Variants in ADAM17 observed in about 807,000 individuals in gnomAD.
The protein encoded by ADAM17 is disintegrin and metalloproteinase domain-containing protein 17.
In ADAM17, 39 loss-of-function variants were observed where a neutral mutation model predicts 96.7. The observed-to-expected ratio is 0.40, with a 90% confidence interval of 0.31 to 0.53. The LOEUF (loss-of-function observed/expected upper bound fraction) is 0.53, where lower values mean the gene tolerates loss of function less well. Ranked by LOEUF, ADAM17 falls within the 20% of genes least tolerant of loss-of-function variation. The pLI is 0.44. For synonymous variants in ADAM17, 344 were observed against 359.2 expected, an observed-to-expected ratio of 0.96 and a Z score of 0.48; for missense variants, 777 against 1,013.2, an observed-to-expected ratio of 0.77 and a Z score of 3.17.
intron 10 of ADAM17, among the ~76,000 whole-genome samples, chr2:9,514,680 T>C (rs1014297993): frequency 6.6e-6 from 1 of 150,770 alleles, no homozygotes; most frequent in African/African-American, 2.4e-5. Context: ...GAGACCATCC[T>C]GGCTAACACA....
intron 6 of ADAM17, among the ~76,000 whole-genome samples, 198 bp downstream of exon 6, chr2:9,525,913 T>C (rs1664505196): frequency 6.6e-6 from 1 of 152,182 alleles, no homozygotes; most frequent in South Asian, 2.1e-4. Flanking sequence ...CAGAAAATAT[T>C]AGTTCAAGGG....
Position 9,489,815 on chromosome 2 carries a change from A to AT in ADAM17, c.*361_*362insA, listed in dbSNP as rs1661959418. On this transcript the variant is annotated 3_prime_UTR_variant, in exon 19 of 19. Transcript: ENST00000310823. ...TATTCAGCGGTTCATTACAGTGTAT[A>AT]AAAAAAAACTGATCATTTCCCTAGT... 1 of 48,084 alleles carries AT rather than the reference A, an allele frequency of 2.1e-5. No individual in the cohort carries two copies. The highest frequency in any genetic ancestry group is 4.8e-4 in the South Asian group (1 of 2,098). The allele number at this position is 48,084 out of a possible 1,614,324, so 3.0% of individuals were successfully genotyped here.
At chr2:9,546,927 T>G (rs1429255792) in intron 1 of ADAM17, among the ~76,000 whole-genome samples, 2 of 152,212 alleles carry the variant, frequency 1.3e-5, no homozygotes, top group Non-Finnish European at 2.9e-5. Context: ...CAGGATGGTC[T>G]TGATCTCTTG....
intron 4 of ADAM17, among the ~76,000 whole-genome samples, chr2:9,528,371 T>C (rs1664611159): frequency 6.6e-6 from 1 of 152,232 alleles, no homozygotes; most frequent in African/African-American, 2.4e-5. Context: ...ATTTTCATTT[T>C]AGTTTCCTTA....
At chr2:9,552,793 A>T (rs1665624327) in intron 1 of ADAM17, among the ~76,000 whole-genome samples, 1 of 152,230 alleles carries the variant, frequency 6.6e-6, no homozygotes, top group Non-Finnish European at 1.5e-5. Flanking sequence ...AAATTATGCA[A>T]TTCATAACAG....
Position 9,488,707 on chromosome 2 carries a change from TATAAGA to T in ADAM17, c.*1464_*1469del, listed in dbSNP as rs1227043389. 1.3e-5 allele frequency: 2 copies of T among 157,356 alleles called. No homozygotes were observed. Among genetic ancestry groups the T allele is most frequent in the Non-Finnish European group, 2.8e-5 (2 of 71,630 alleles). The allele number at this position is 157,356 out of a possible 1,614,324, so 9.7% of individuals were successfully genotyped here. A position where few individuals can be genotyped will look rare whatever the true frequency, so the allele number is the denominator to read the frequency against. ...TCAAATTCCAAAAGTGTAACTAAAG[TATAAGA>T]ATATCATGACTAGTTAAAAGATAGC... On this transcript the variant is annotated 3_prime_UTR_variant, in exon 19 of 19. Transcript: ENST00000310823.
intron 10 of ADAM17, among the ~76,000 whole-genome samples, chr2:9,516,553 C>T (rs1332071302): frequency 6.6e-6 from 1 of 152,044 alleles, no homozygotes; most frequent in African/African-American, 2.4e-5. Context: ...GTTCATGAGA[C>T]CAGCCTGGCC....
rs1371919076 is a variant in ADAM17 at position 9,515,489 on chromosome 2, C to A, written c.1191+2412G>T. ...TAGTGGCTCACACCCGTAATCCCAG[C>A]ACTTTGGGAGGCTGAAGCAGGCGGA... On this transcript the variant is annotated intron_variant, in intron 10 of 18. Coordinates refer to ENST00000310823, the MANE Select transcript of ADAM17 (RefSeq NM_003183.6). Among the ~76,000 whole-genome samples, 4 of 152,246 alleles carry A rather than the reference C, an allele frequency of 2.6e-5. No individual in the cohort carries two copies. In the East Asian group the frequency reaches 7.7e-4, roughly 29 times the overall value.
At chr2:9,528,449 T>C (rs185915100) in intron 4 of ADAM17, among the ~76,000 whole-genome samples, 1 of 152,328 alleles carries the variant, frequency 6.6e-6, no homozygotes, top group Admixed American at 6.5e-5. Context: ...AACATATTTA[T>C]ATGAAAGAAA....
At chr2:9,540,088 T>G (rs1412124918) in intron 2 of ADAM17, among the ~76,000 whole-genome samples, 5 of 152,214 alleles carry the variant, frequency 3.3e-5, no homozygotes, top group Non-Finnish European at 7.4e-5. Context: ...TCTACGAAAC[T>G]TGAAAGAGAA....
intron 8 of ADAM17, among the ~76,000 whole-genome samples, 193 bp downstream of exon 8, chr2:9,521,010 T>C (rs1664287598): frequency 6.6e-6 from 1 of 151,374 alleles, no homozygotes; most frequent in Non-Finnish European, 1.5e-5. Flanking sequence ...TATAGCGTTT[T>C]TCTTTTTCAT....
intron 1 of ADAM17, among the ~76,000 whole-genome samples, chr2:9,554,794 C>A (rs1419396130): frequency 1.3e-5 from 2 of 152,164 alleles, no homozygotes; most frequent in African/African-American, 4.8e-5. Flanking sequence ...GAACCCTCTA[C>A]TTTCTAGCCT....
At chr2:9,522,452 T>C in intron 7 of ADAM17, 1 of 604,316 alleles carries the variant, frequency 1.7e-6, no homozygotes, top group Non-Finnish European at 3.1e-6. Context: ...AAAAAGAAAA[T>C]GCGTAACAGT....
At chr2:9,523,850 A>C (rs753127498) in intron 6 of ADAM17, among the ~76,000 whole-genome samples, 6 of 151,972 alleles carry the variant, frequency 3.9e-5, no homozygotes, top group Admixed American at 6.6e-5. Context: ...GTGAATAGTA[A>C]ATGTATTTTT....
intron 12 of ADAM17, among the ~76,000 whole-genome samples, chr2:9,502,540 T>C (rs1663068173): frequency 6.6e-6 from 1 of 152,136 alleles, no homozygotes; most frequent in South Asian, 2.1e-4. Flanking sequence ...AACATCTTGG[T>C]GCCCTTGGTT....
At chr2:9,499,609 A>G (rs1662880338) in intron 13 of ADAM17, among the ~76,000 whole-genome samples, 1 of 152,132 alleles carries the variant, frequency 6.6e-6, no homozygotes, top group Non-Finnish European at 1.5e-5. Context: ...TCACCGTGTT[A>G]GCCAGGATGG....
chr2:9,500,212 A>G (rs1340153987), intron 13 of ADAM17, among the ~76,000 whole-genome samples: 1 of 152,266 alleles, frequency 6.6e-6, no homozygotes, highest in Non-Finnish European at 1.5e-5. Context: ...TTTACCCAGC[A>G]ATAAAAGTAC....
At chr2:9,517,683 T>A (rs1033447214) in intron 10 of ADAM17, among the ~76,000 whole-genome samples, 2 of 152,164 alleles carry the variant, frequency 1.3e-5, no homozygotes, top group African/African-American at 2.4e-5. Context: ...AAAGCAGTGG[T>A]CCTCACATGT....
At chr2:9,508,407 T>C (rs995954740) in intron 11 of ADAM17, among the ~76,000 whole-genome samples, 5 of 152,224 alleles carry the variant, frequency 3.3e-5, no homozygotes, top group African/African-American at 7.2e-5. Flanking sequence ...TTTTTGTTTG[T>C]TGGCTTATTA....
Sources: gnomAD v4.1 joint callset for allele counts (sites outside exome capture counted in the v4.1 genomes callset) on GRCh38, gnomAD v4.1.1 for gene constraint, MANE v1.5 for transcripts, NCBI Gene and HGNC (gene_info 2026-07-23, HGNC 2026-07-21) for gene names.